CDC14A: variants seen among roughly 807,000 people sequenced by gnomAD.
CDC14A encodes cell division cycle 14A, also known as dual specificity protein phosphatase CDC14A.
CDC14A carries 53 observed loss-of-function variants against 74.4 expected under a neutral mutation model. The ratio of observed to expected loss-of-function variants is 0.71; its 90% CI spans 0.57 to 0.89. The LOEUF (loss-of-function observed/expected upper bound fraction) is 0.89. Ranked by LOEUF, CDC14A falls within the 40% of genes least tolerant of loss-of-function variation. The pLI is 0.00. For missense variants in CDC14A, 646 were observed against 713.7 expected (o/e 0.91, Z 1.08); for synonymous variants, 247 against 258.4 (o/e 0.96, Z 0.43).
intron 15 of CDC14A, among the ~76,000 whole-genome samples, chr1:100,517,160 C>A (rs565553058): frequency 6.6e-6 from 1 of 152,284 alleles, no homozygotes; most frequent in South Asian, 2.1e-4. Context: ...TTTGGCTGTT[C>A]ATGGGGTGTA....
At chr1:100,398,637 A>G (rs1658866550) in intron 4 of CDC14A, among the ~76,000 whole-genome samples, 1 of 152,228 alleles carries the variant, frequency 6.6e-6, no homozygotes, top group Non-Finnish European at 1.5e-5. Flanking sequence ...ATATATACAT[A>G]TAAACAATGC....
chr1:100,499,259 C>A lies in CDC14A; in HGVS notation c.1752C>A (p.Ile584=). The A allele has an allele frequency of 6.2e-7, 1 of 1,614,190 alleles. No homozygotes were observed. Among genetic ancestry groups the A allele is most frequent in the Non-Finnish European group, 8.5e-7 (1 of 1,180,024 alleles). The change falls in exon 15 of 16, where the codon ATC becomes ATA. Residue 584 remains isoleucine, a synonymous_variant. Coordinates refer to ENST00000336454, the MANE Select transcript of CDC14A (RefSeq NM_003672.4). Reference sequence around the variant, plus strand: ...CAGCGAGATTCCTGAGCCGTTCTATCCCTGTAAGTGCGCAGACACCACCTC... The same window carrying A: ...CAGCGAGATTCCTGAGCCGTTCTATACCTGTAAGTGCGCAGACACCACCTC... The part of the protein sequence containing the change: ...SSSARFLSRS[I]PSLQSEYVHY
intron 2 of CDC14A, among the ~76,000 whole-genome samples, chr1:100,372,450 C>A (rs1197069804): frequency 6.6e-6 from 1 of 152,216 alleles, no homozygotes; most frequent in East Asian, 1.9e-4. Context: ...GTATGTGTAA[C>A]ATTCTAATTT....
intron 15 of CDC14A, among the ~76,000 whole-genome samples, chr1:100,507,453 C>A (rs1397680024): frequency 2.6e-5 from 4 of 151,834 alleles, no homozygotes; most frequent in South Asian, 2.1e-4. Context: ...ATGGAAAATT[C>A]TCAGCCATCA....
At chr1:100,403,256 C>T (rs1225515138) in intron 4 of CDC14A, among the ~76,000 whole-genome samples, 5 of 152,188 alleles carry the variant, frequency 3.3e-5, no homozygotes, top group Admixed American at 6.5e-5. Context: ...TGAAACAATT[C>T]TTACAAGGTG....
chr1:100,356,951 G>C (rs1652002216), intron 2 of CDC14A, among the ~76,000 whole-genome samples: 1 of 151,666 alleles, frequency 6.6e-6, no homozygotes, highest in Non-Finnish European at 1.5e-5. Context: ...GCGATCTGAA[G>C]CCATGTGACC....
chr1:100,488,541 T>C (rs748201077), intron 11 of CDC14A, among the ~76,000 whole-genome samples: 2 of 152,230 alleles, frequency 1.3e-5, no homozygotes, highest in African/African-American at 2.4e-5. Context: ...TCCCTACTAA[T>C]AAACTTCTTC....
chr1:100,412,710 A>ATATATATATTTTATATATATATATTT (rs1660909935), intron 4 of CDC14A, among the ~76,000 whole-genome samples: 1 of 96,046 alleles, frequency 1.0e-5, no homozygotes, highest in African/African-American at 7.3e-5. Context: ...ATATATATAT[A>ATATATATATTTTATATATATATATTT]TATATATATA....
intron 5 of CDC14A, among the ~76,000 whole-genome samples, chr1:100,431,808 C>G (rs1412632493): frequency 1.3e-5 from 2 of 150,946 alleles, no homozygotes; most frequent in African/African-American, 4.9e-5. Flanking sequence ...TATGATCGTG[C>G]TGCTGTGACA....
chr1:100,384,196 G>C (rs1437048214), intron 3 of CDC14A, among the ~76,000 whole-genome samples: 1 of 151,900 alleles, frequency 6.6e-6, no homozygotes, highest in African/African-American at 2.4e-5. Flanking sequence ...AATTTGTATT[G>C]TTCTATCATA....
chr1:100,360,274 A>C (rs2100893974), intron 2 of CDC14A, among the ~76,000 whole-genome samples: 1 of 150,960 alleles, frequency 6.6e-6, no homozygotes, highest in South Asian at 2.1e-4. Context: ...TGTTTTGAAC[A>C]CATGACAGCC....
intron 2 of CDC14A, among the ~76,000 whole-genome samples, chr1:100,358,291 G>C (rs1413955147): frequency 6.6e-6 from 1 of 152,208 alleles, no homozygotes; most frequent in African/African-American, 2.4e-5. Context: ...AATCCAAACA[G>C]GCGCTTACTT....
chr1:100,399,592 T>C (rs540951335), intron 4 of CDC14A, among the ~76,000 whole-genome samples: 33 of 152,204 alleles, frequency 2.2e-4, no homozygotes, highest in Non-Finnish European at 4.1e-4. Context: ...TTAATGAGGT[T>C]GATTATTCTC....
chr1:100,372,033 T>C (rs1570982138), intron 2 of CDC14A, among the ~76,000 whole-genome samples: 1 of 152,238 alleles, frequency 6.6e-6, no homozygotes, highest in African/African-American at 2.4e-5. Flanking sequence ...CAAGGTTTTT[T>C]GGTTTCTCAG....
At chr1:100,464,350 T>G (rs1667596173) in intron 9 of CDC14A, among the ~76,000 whole-genome samples, 2 of 151,844 alleles carry the variant, frequency 1.3e-5, no homozygotes, top group Admixed American at 1.3e-4. Context: ...TGTCACTTGC[T>G]GGCTCATTTG....
upstream of CDC14A, among the ~76,000 whole-genome samples, chr1:100,347,504 G>A (rs1025716784): frequency 6.6e-6 from 1 of 152,184 alleles, no homozygotes; most frequent in East Asian, 1.9e-4. Context: ...GTCTGATACA[G>A]AATGTGGCTG....
chr1:100,489,582 G>GTT (rs5776511), intron 11 of CDC14A, among the ~76,000 whole-genome samples: 2,669 of 146,704 alleles, frequency 0.018, 30 homozygotes, highest in Admixed American at 0.031. Context: ...CATCACTCAT[G>GTT]TTTTTTTTTT....
At chr1:100,374,413 G>C (rs974100369) in intron 2 of CDC14A, among the ~76,000 whole-genome samples, 1 of 152,186 alleles carries the variant, frequency 6.6e-6, no homozygotes, top group Admixed American at 6.5e-5. Flanking sequence ...CTAGTTTACA[G>C]TCCCACCAAC....
intron 10 of CDC14A, among the ~76,000 whole-genome samples, chr1:100,477,704 A>G (rs771820725): frequency 6.6e-6 from 1 of 152,212 alleles, no homozygotes; most frequent in Admixed American, 6.5e-5. Context: ...TGAATAAGTA[A>G]CGTGTTCATT....
Sources: allele counts gnomAD v4.1 joint callset (sites outside exome capture counted in the v4.1 genomes callset), GRCh38; gene constraint gnomAD v4.1.1; transcripts MANE v1.5; gene names NCBI Gene and HGNC (gene_info 2026-07-23, HGNC 2026-07-21).